The following ADAMTSL1 variants were observed in gnomAD, a reference collection of about 807,000 sequenced individuals.
ADAMTSL1 encodes the protein ADAMTS like 1.
Under a neutral mutation model 201.8 loss-of-function variants are expected in ADAMTSL1, and 126 were observed. The ratio of observed to expected loss-of-function variants is 0.62; its 90% confidence interval spans 0.54 to 0.72. ADAMTSL1 has a LOEUF of 0.72. Among genes scored for constraint, ADAMTSL1 ranks in the 30% least tolerant of loss-of-function variants. The probability of loss-of-function intolerance (pLI) is 0.00; values close to 1 mark genes in which losing one functional copy is unlikely to be tolerated. For missense variants in ADAMTSL1, 2,679 were observed against 2,277.8 expected, an observed-to-expected ratio of 1.18 and a Z score of -3.59; for synonymous variants, 1,121 against 903.4, an observed-to-expected ratio of 1.24 and a Z score of -4.32.
chr9:18,317,361 AT>A lies in ADAMTSL1; in HGVS notation c.207+153383del, dbSNP rs149863277. Reference sequence around the variant, plus strand: ...AATAATACTGTATGGTTTACTTGAAATTTGCTAAGAAAGTGTATCTTAAGTG... The same window carrying A: ...AATAATACTGTATGGTTTACTTGAAATTGCTAAGAAAGTGTATCTTAAGTG... On this transcript the variant is annotated intron_variant, in intron 2 of 29. Transcript: ENST00000680146. Among the ~76,000 whole-genome samples the A allele has an allele frequency of 5.5e-3, 837 of 151,164 alleles. 8 individuals are homozygous for A. Among genetic ancestry groups the A allele is most frequent in the African/African-American group, 0.02 (809 of 41,112 alleles).
At chr9:18,194,086 T>A (rs1829079106) in intron 2 of ADAMTSL1, among the ~76,000 whole-genome samples, 1 of 151,808 alleles carries the variant, frequency 6.6e-6, no homozygotes, top group South Asian at 2.1e-4. Flanking sequence ...GGAGTGATAG[T>A]GAAACTGTAA....
intron 26 of ADAMTSL1, among the ~76,000 whole-genome samples, chr9:18,897,449 C>T (rs1024588239): frequency 1.3e-5 from 2 of 152,142 alleles, no homozygotes; most frequent in Admixed American, 6.5e-5. Context: ...CCAGACACCT[C>T]CTACAGGAGC....
At position 18,635,932 on chromosome 9, in the gene ADAMTSL1, T is replaced by C; in HGVS notation, c.602-11T>C. 6.3e-7 allele frequency: 1 copy of C among 1,592,802 alleles called. No individual in the cohort carries two copies. The highest frequency in any genetic ancestry group is 8.5e-7 in the Non-Finnish European group (1 of 1,174,744). ...GACATGCTTTTAAGATTTTGCTTTGTTTCTCTCTAGCGGATGATACTGTGG... is the reference window on the plus strand; with the variant it reads ...GACATGCTTTTAAGATTTTGCTTTGCTTCTCTCTAGCGGATGATACTGTGG... On this transcript the variant is annotated splice_polypyrimidine_tract_variant and intron_variant, in intron 5 of 28. Coordinates refer to ENST00000380548, the MANE Select transcript of ADAMTSL1 (RefSeq NM_001040272.6).
At chr9:18,606,075 G>C (rs1371964872) in intron 4 of ADAMTSL1, among the ~76,000 whole-genome samples, 1 of 152,104 alleles carries the variant, frequency 6.6e-6, no homozygotes, top group Admixed American at 6.6e-5. Flanking sequence ...GTCTCTGCAG[G>C]GTTAGGCCGC....
At chr9:18,822,338 C>G (rs1487748249) in intron 21 of ADAMTSL1, among the ~76,000 whole-genome samples, 2 of 152,218 alleles carry the variant, frequency 1.3e-5, no homozygotes, top group Non-Finnish European at 2.9e-5. Context: ...TCTGGAACCT[C>G]TCTCCTGACA....
intron 5 of ADAMTSL1, among the ~76,000 whole-genome samples, chr9:18,627,148 A>C (rs1273165031): frequency 6.6e-6 from 1 of 151,644 alleles, no homozygotes; most frequent in African/African-American, 2.4e-5. Context: ...TGCCTGAGTA[A>C]TTTTTGTATT....
intron 20 of ADAMTSL1, among the ~76,000 whole-genome samples, chr9:18,803,146 G>T (rs940919372): frequency 6.6e-6 from 1 of 152,220 alleles, no homozygotes; most frequent in African/African-American, 2.4e-5. Flanking sequence ...GTCTAATACA[G>T]TCTCATCAAG....
At chr9:18,234,146 G>C (rs1411562353) in intron 2 of ADAMTSL1, among the ~76,000 whole-genome samples, 1 of 152,228 alleles carries the variant, frequency 6.6e-6, no homozygotes, top group East Asian at 1.9e-4. Flanking sequence ...TGAGAAAAAC[G>C]AGGGACTCCA....
intron 4 of ADAMTSL1, among the ~76,000 whole-genome samples, chr9:18,593,726 T>C (rs1824072032): frequency 6.6e-6 from 1 of 152,128 alleles, no homozygotes; most frequent in Non-Finnish European, 1.5e-5. Flanking sequence ...CCAAAATTCC[T>C]CTTGTTATTA....
intron 1 of ADAMTSL1, among the ~76,000 whole-genome samples, chr9:17,919,641 A>G (rs1201621652): frequency 6.6e-6 from 1 of 152,110 alleles, no homozygotes; most frequent in Non-Finnish European, 1.5e-5. Context: ...GTTGTAGCAT[A>G]TATCAGTACT....
At chr9:18,248,578 C>A (rs563751554) in intron 2 of ADAMTSL1, among the ~76,000 whole-genome samples, 1 of 152,278 alleles carries the variant, frequency 6.6e-6, no homozygotes, top group Admixed American at 6.5e-5. Flanking sequence ...TCAACCAAAG[C>A]AATGGAAAGA....
intron 15 of ADAMTSL1, among the ~76,000 whole-genome samples, chr9:18,742,036 G>A (rs571039427): frequency 2.0e-5 from 3 of 152,148 alleles, no homozygotes; most frequent in Admixed American, 6.5e-5. Context: ...CTTATCTGAC[G>A]CATAGCCATC....
At chr9:18,706,028 G>A (rs555485497) in intron 13 of ADAMTSL1, among the ~76,000 whole-genome samples, 5 of 152,196 alleles carry the variant, frequency 3.3e-5, no homozygotes, top group Admixed American at 3.3e-4. Context: ...TTAAAGTAAA[G>A]GAATAAAAGG....
intron 2 of ADAMTSL1, among the ~76,000 whole-genome samples, chr9:18,406,649 G>A (rs1354891378): frequency 2.0e-5 from 3 of 152,014 alleles, no homozygotes; most frequent in Non-Finnish European, 2.9e-5. Context: ...TTTTGTTATG[G>A]AAGAAATTTT....
At chr9:18,071,646 C>G (rs1822974579) in intron 1 of ADAMTSL1, among the ~76,000 whole-genome samples, 1 of 152,170 alleles carries the variant, frequency 6.6e-6, no homozygotes, top group Non-Finnish European at 1.5e-5. Flanking sequence ...ATCCATGTAC[C>G]TAGCAGAGCC....
At chr9:18,737,179 C>T (rs12350972) in intron 15 of ADAMTSL1, among the ~76,000 whole-genome samples, 2,213 of 151,958 alleles carry the variant, frequency 0.015, 57 homozygotes, top group African/African-American at 0.049. Flanking sequence ...ATTAGCCGGG[C>T]GTGATGGCAC....
intron 15 of ADAMTSL1, among the ~76,000 whole-genome samples, chr9:18,731,206 G>GA (rs1204489714): frequency 1.3e-5 from 2 of 152,196 alleles, no homozygotes; most frequent in East Asian, 1.9e-4. Context: ...ATACTGCCTG[G>GA]AAAAAAAGAA....
At chr9:18,545,670 A>G (rs988071951) in intron 3 of ADAMTSL1, among the ~76,000 whole-genome samples, 2 of 152,156 alleles carry the variant, frequency 1.3e-5, no homozygotes, top group African/African-American at 2.4e-5. Flanking sequence ...TATTAAGTCA[A>G]TACTCCTCAG....
chr9:18,064,010 T>G (rs1348362237), intron 1 of ADAMTSL1, among the ~76,000 whole-genome samples: 1 of 152,090 alleles, frequency 6.6e-6, no homozygotes, highest in Non-Finnish European at 1.5e-5. Flanking sequence ...CATGGCACCA[T>G]GCATATTTTT....
Sources: gnomAD v4.1 joint callset for allele counts (sites outside exome capture counted in the v4.1 genomes callset) on GRCh38, gnomAD v4.1.1 for gene constraint, MANE v1.5 for transcripts, NCBI Gene and HGNC (gene_info 2026-07-23, HGNC 2026-07-21) for gene names.